CCDC93: variants seen among roughly 807,000 people sequenced by gnomAD.
CCDC93 encodes the protein coiled-coil domain-containing protein 93.
CCDC93 carries 61 observed loss-of-function variants against 108.2 expected under a neutral mutation model. That is an observed-to-expected ratio of 0.56 (90% confidence interval 0.46 to 0.70). The LOEUF is 0.70. Ranked by LOEUF, CCDC93 falls within the 30% of genes least tolerant of loss-of-function variation. CCDC93 has a pLI of 0.00. For missense variants in CCDC93, 685 were observed against 764.2 expected (o/e 0.90, Z 1.22); for synonymous variants, 276 against 260.4 (o/e 1.06, Z -0.58).
chr2:117,951,697 G>C (rs1358350865), intron 13 of CCDC93: 1 of 1,000,166 alleles, frequency 1.0e-6, no homozygotes, highest in Non-Finnish European at 1.2e-6. Flanking sequence ...GATGAGGATA[G>C]TTCTCTGTGG....
intron 12 of CCDC93, among the ~76,000 whole-genome samples, chr2:117,957,039 C>T (rs185228949): frequency 2.0e-5 from 3 of 152,042 alleles, no homozygotes; most frequent in Non-Finnish European, 2.9e-5. Context: ...TACAAGCAGG[C>T]GCCACCATGC....
chr2:117,990,815 A>G (rs919456815), intron 6 of CCDC93, among the ~76,000 whole-genome samples: 3 of 152,062 alleles, frequency 2.0e-5, no homozygotes, highest in Non-Finnish European at 4.4e-5. Flanking sequence ...ATATAGTACA[A>G]TGCCATTTTT....
At chr2:117,967,747 G>T (rs140711750) in intron 11 of CCDC93, among the ~76,000 whole-genome samples, 4 of 152,122 alleles carry the variant, frequency 2.6e-5, no homozygotes, top group African/African-American at 4.8e-5. Flanking sequence ...ATAATATCAC[G>T]TACTCATTTA....
intron 11 of CCDC93, among the ~76,000 whole-genome samples, chr2:117,965,399 C>T (rs563383338): frequency 6.1e-4 from 93 of 152,224 alleles, no homozygotes; most frequent in African/African-American, 2.1e-3. Flanking sequence ...TCGGGGTCCC[C>T]GGGCTGCTAA....
At chr2:117,993,707 A>C (rs1044957300) in intron 6 of CCDC93, among the ~76,000 whole-genome samples, 1 of 152,184 alleles carries the variant, frequency 6.6e-6, no homozygotes, top group Non-Finnish European at 1.5e-5. Context: ...TGAGAAATGT[A>C]GTTAGCAGGA....
chr2:118,008,329 C>T (rs1222037436), intron 2 of CCDC93, among the ~76,000 whole-genome samples: 1 of 152,174 alleles, frequency 6.6e-6, no homozygotes, highest in Non-Finnish European at 1.5e-5. Context: ...TTTCCTAAAG[C>T]TTTGTGCACA....
rs191453113 is a variant in CCDC93 at position 117,929,002 on chromosome 2, T to C, written c.1842+2035A>G. On this transcript the variant is annotated intron_variant, in intron 23 of 23. Coordinates refer to ENST00000376300, the MANE Select transcript of CCDC93 (RefSeq NM_019044.5). ...GGAAACCATCATTCTCAGCAAACTA[T>C]TGCAAGGACAAAAAACTAAACACCA... Among the ~76,000 whole-genome samples the C allele has an allele frequency of 3.1e-3, 467 of 152,088 alleles. 1 individual carries two copies. The highest frequency in any genetic ancestry group is 0.011 in the African/African-American group (436 of 41,456).
At chr2:118,004,503 A>G (rs1676810628) in intron 3 of CCDC93, among the ~76,000 whole-genome samples, 1 of 152,220 alleles carries the variant, frequency 6.6e-6, no homozygotes, top group Non-Finnish European at 1.5e-5. Flanking sequence ...CGTCCAGCCC[A>G]CCCATTAAAT....
intron 22 of CCDC93, among the ~76,000 whole-genome samples, chr2:117,932,710 C>T (rs973901646): frequency 3.3e-5 from 5 of 152,192 alleles, no homozygotes; most frequent in South Asian, 2.1e-4. Flanking sequence ...TGATCCCTGT[C>T]GATGGAACCC....
intron 1 of CCDC93, among the ~76,000 whole-genome samples, chr2:118,011,853 C>T (rs74704242): frequency 0.12 from 18,422 of 152,134 alleles, 1,303 homozygotes; most frequent in East Asian, 0.27. Flanking sequence ...GAATGTATGA[C>T]TCCAAATTCA....
intron 10 of CCDC93, among the ~76,000 whole-genome samples, chr2:117,974,478 G>C (rs536185883): frequency 1.7e-4 from 26 of 152,218 alleles, no homozygotes; most frequent in Non-Finnish European, 2.9e-4. Context: ...TTGAGCTCTG[G>C]AAAGACCAAC....
intron 11 of CCDC93, among the ~76,000 whole-genome samples, chr2:117,961,713 T>C (rs1679400893): frequency 6.6e-6 from 1 of 152,136 alleles, no homozygotes; most frequent in Non-Finnish European, 1.5e-5. Context: ...GAAAGAAAAC[T>C]AGATGACCAA....
chr2:117,978,063 C>T, intron 7 of CCDC93, 33 bp from the exon 8 acceptor site: 1 of 1,601,600 alleles, frequency 6.2e-7, no homozygotes, highest in South Asian at 1.1e-5. Flanking sequence ...TTAATTACTA[C>T]TTAAAAAATT....
intron 4 of CCDC93, chr2:117,996,609 G>A (rs1573524588): frequency 8.8e-6 from 3 of 340,742 alleles, no homozygotes; most frequent in African/African-American, 2.1e-5. Context: ...TCACATCCTT[G>A]AGCCTCAGTT....
At chr2:117,996,430 G>T in intron 4 of CCDC93, 68 bp from the exon 5 acceptor site, 1 of 1,048,790 alleles carries the variant, frequency 9.5e-7, no homozygotes. Flanking sequence ...GGCCAGTTCA[G>T]ACATGGCCCA....
intron 11 of CCDC93, among the ~76,000 whole-genome samples, chr2:117,963,020 C>T (rs1679443907): frequency 6.6e-6 from 1 of 152,198 alleles, no homozygotes; most frequent in Non-Finnish European, 1.5e-5. Flanking sequence ...GTATAAAATG[C>T]ACTTGGGCTG....
chr2:117,918,219 G>GC lies in CCDC93; in HGVS notation c.*2123dup, dbSNP rs1360365897. 1 of 152,078 alleles carries GC rather than the reference G, an allele frequency of 6.6e-6. No individual in the cohort carries two copies. Among genetic ancestry groups the GC allele is most frequent in the Admixed American group, 6.5e-5 (1 of 15,270 alleles). 9.4% of individuals were successfully genotyped at this position (152,078 alleles called of 1,614,324 possible). The stretch of plus-strand genomic sequence containing the variant: ...CTGTCCACACTGAGAGTTGTCTGCA[G>GC]CAAGTGTGAAATTTGAGCTCAAACT... On this transcript the variant is annotated 3_prime_UTR_variant, in exon 24 of 24. Transcript: ENST00000376300.
chr2:117,992,377 G>A (rs1680500551), intron 6 of CCDC93, among the ~76,000 whole-genome samples: 1 of 152,064 alleles, frequency 6.6e-6, no homozygotes, highest in Non-Finnish European at 1.5e-5. Context: ...CTGAGGAGCT[G>A]AGACTACAGG....
intron 23 of CCDC93, among the ~76,000 whole-genome samples, chr2:117,923,312 T>C (rs10175309): frequency 0.61 from 92,500 of 151,698 alleles, 28,781 homozygotes; most frequent in African/African-American, 0.72. Context: ...CGAGGCAGGG[T>C]GAGGCATCGC....
Sources: allele counts gnomAD v4.1 joint callset (sites outside exome capture counted in the v4.1 genomes callset), GRCh38; gene constraint gnomAD v4.1.1; transcripts MANE v1.5; gene names NCBI Gene and HGNC (gene_info 2026-07-23, HGNC 2026-07-21).